Variants in HSD3B2 observed in about 807,000 individuals in gnomAD.
HSD3B2 encodes hydroxy-delta-5-steroid dehydrogenase, 3 beta- and steroid delta-isomerase 2, also known as 3 beta-hydroxysteroid dehydrogenase/Delta 5-->4-isomerase type 2.
In HSD3B2, 8 loss-of-function variants were observed where a neutral mutation model predicts 9.9. The ratio of observed to expected loss-of-function variants is 0.81; its 90% CI spans 0.47 to 1.46. The LOEUF is 1.46. Ranked by LOEUF, HSD3B2 falls within the 40% of genes most tolerant of loss-of-function variation. HSD3B2 has a pLI of 0.00. For synonymous variants in HSD3B2, 221 were observed against 184.5 expected (o/e 1.20, Z -1.60); for missense variants, 410 against 448.3 (o/e 0.91, Z 0.77).
In HSD3B2 at chr1:119,415,351, G is replaced by C; in HGVS notation, c.-69G>C. The C allele has an allele frequency of 6.4e-7, 1 of 1,550,476 alleles. No homozygotes were observed. ...TTTAGCCCTCTTCTGGGTCACGCTA[G>C]AATCAGATCTGCTCTCCAGCATCTT... On this transcript the variant is annotated 5_prime_UTR_variant, in exon 2 of 4. Coordinates refer to ENST00000369416, the MANE Select transcript of HSD3B2 (RefSeq NM_000198.4).
intron 2 of HSD3B2, among the ~76,000 whole-genome samples, chr1:119,418,256 A>C (rs1318766334): frequency 6.6e-6 from 1 of 152,166 alleles, no homozygotes; most frequent in Non-Finnish European, 1.5e-5. Context: ...TATCTGATAA[A>C]AGTTTCTCAA....
rs2101351584 is a variant in HSD3B2 at position 119,422,730 on chromosome 1, CCT to C, written c.*115_*116del. 1 of 1,311,260 alleles carries C rather than the reference CCT, an allele frequency of 7.6e-7. No homozygotes were observed. Among genetic ancestry groups the C allele is most frequent in the South Asian group, 1.3e-5 (1 of 79,308 alleles). 81.2% of individuals were successfully genotyped at this position (1,311,260 alleles called of 1,614,324 possible). On this transcript the variant is annotated 3_prime_UTR_variant, in exon 4 of 4. Transcript: ENST00000369416. ...AGGGGCACAAGCCCAGGTCCTGCTGCCTCTCTTTCACACAATGCCCAACTTAC... is the reference window on the plus strand; with the variant it reads ...AGGGGCACAAGCCCAGGTCCTGCTGCCTCTTTCACACAATGCCCAACTTAC...
chr1:119,421,530 C>T (rs980528262), intron 3 of HSD3B2, among the ~76,000 whole-genome samples: 2 of 145,602 alleles, frequency 1.4e-5, no homozygotes, highest in Non-Finnish European at 3.0e-5. Flanking sequence ...TATACATACA[C>T]ACACACACAC....
In HSD3B2 at chr1:119,422,258, T is replaced by A. The variant is rs1399005702; in HGVS notation, c.757T>A (p.Tyr253Asn). Residue 253 changes from tyrosine to asparagine, a missense_variant, in exon 4 of 4, where the codon TAT becomes AAT. Physicochemically the swap from Tyr to Asn is moderately radical, Grantham distance 143 (BLOSUM62 -2). Transcript: ENST00000369416. ...GGCCCCAAGTGTCCGAGGTCAATTC[T>A]ATTACATCTCAGATGACACGCCTCA... is the stretch of plus-strand genomic sequence containing the variant. ...KKAPSVRGQF[Y>N]YISDDTPHQS... 2 of 1,614,130 alleles carry A rather than the reference T, an allele frequency of 1.2e-6. No homozygotes were observed.
chr1:119,415,486 G>A lies in HSD3B2; in HGVS notation c.67G>A (p.Val23Met), dbSNP rs773237182. Residue 23 changes from valine to methionine, a missense_variant, in exon 2 of 4, where the codon GTG becomes ATG. Val to Met is a conservative substitution (Grantham distance 21, BLOSUM62 1). Coordinates refer to ENST00000369416, the MANE Select transcript of HSD3B2 (RefSeq NM_000198.4). ...GGGTCAGAGGATCGTCCGCCTGTTG[G>A]TGGAAGAGAAGGAACTGAAGGAGAT... is the stretch of plus-strand genomic sequence containing the variant. ...LLGQRIVRLL[V>M]EEKELKEIRA... is the part of the protein sequence containing the mutation. 3.1e-6 allele frequency: 5 copies of A among 1,614,012 alleles called. No homozygotes were observed. In the Admixed American group the frequency reaches 5.0e-5, roughly 16 times the overall value.
At chr1:119,419,668 T>C (rs1194360347) in intron 3 of HSD3B2, 86 bp downstream of exon 3, 11 of 1,314,606 alleles carry the variant, frequency 8.4e-6, no homozygotes, top group Non-Finnish European at 3.3e-6. Context: ...AGTCACTCCA[T>C]TGAACACCTG....
rs142103455 is a variant in HSD3B2 at position 119,417,159 on chromosome 1, G to A, written c.142+1598G>A. Among the ~76,000 whole-genome samples, 631 of 152,332 alleles carry A rather than the reference G, an allele frequency of 4.1e-3. 6 individuals are homozygous for A. Among genetic ancestry groups the A allele is most frequent in the African/African-American group, 0.015 (607 of 41,578 alleles). On this transcript the variant is annotated intron_variant, in intron 2 of 3. Transcript: ENST00000369416. ...AGGTCCCAAGTTAGATTACGGCAAA[G>A]CTGGATTTGAATCCAGGCAGTCTAG...
intron 3 of HSD3B2, 101 bp downstream of exon 3, chr1:119,419,683 G>A (rs1468972803): frequency 2.5e-6 from 3 of 1,199,992 alleles, no homozygotes; most frequent in Non-Finnish European, 3.6e-6. Context: ...CACCTGCTGA[G>A]CTCTTGGCCA....
At chr1:119,419,879 T>C (rs1214358064) in intron 3 of HSD3B2, 1 of 396,784 alleles carries the variant, frequency 2.5e-6, no homozygotes, top group Non-Finnish European at 4.7e-6. Flanking sequence ...AAGCTCTTTC[T>C]ACTGTGGCCC....
intron 3 of HSD3B2, 120 bp from the exon 4 acceptor site, chr1:119,421,689 C>A: frequency 8.9e-7 from 1 of 1,128,578 alleles, no homozygotes; most frequent in Non-Finnish European, 1.4e-6. Context: ...GAAGAATGCA[C>A]CCTGAGTCTG....
chr1:119,420,284 C>T (rs1391530795), intron 3 of HSD3B2, among the ~76,000 whole-genome samples: 2 of 152,168 alleles, frequency 1.3e-5, no homozygotes, highest in African/African-American at 2.4e-5. Flanking sequence ...CATGCAGTCT[C>T]ACCCTCTGAT....
At chr1:119,417,839 T>C (rs1400946880) in intron 2 of HSD3B2, among the ~76,000 whole-genome samples, 1 of 152,138 alleles carries the variant, frequency 6.6e-6, no homozygotes, top group Non-Finnish European at 1.5e-5. Flanking sequence ...GGGTACAGGG[T>C]ACAAAAATGG....
At chr1:119,416,291 T>C (rs1333982619) in intron 2 of HSD3B2, among the ~76,000 whole-genome samples, 1 of 152,212 alleles carries the variant, frequency 6.6e-6, no homozygotes, top group Non-Finnish European at 1.5e-5. Flanking sequence ...ATGCCTCATT[T>C]ATATTTCTCA....
chr1:119,415,465 C>T lies in HSD3B2; in HGVS notation c.46C>T (p.Gln16Ter). Residue 16 changes from glutamine (Q) to a stop codon, truncating the protein, a stop_gained, in exon 2 of 4, where the codon CAG (glutamine) becomes TAG (stop). Transcript: ENST00000369416. LOFTEE classifies it high-confidence loss of function. Reference sequence around the variant, plus strand: ...GACAGGAGCAGGAGGGCTTCTGGGTCAGAGGATCGTCCGCCTGTTGGTGGA... The same window carrying T: ...GACAGGAGCAGGAGGGCTTCTGGGTTAGAGGATCGTCCGCCTGTTGGTGGA... ...LVTGAGGLLGQRIVRLLVEEK... is the reference protein window; with the variant it reads ...LVTGAGGLLG 6.2e-7 allele frequency: 1 copy of T among 1,613,882 alleles called. No individual in the cohort carries two copies. The highest frequency in any genetic ancestry group is 8.5e-7 in the Non-Finnish European group (1 of 1,179,888).
At chr1:119,418,630 C>CTATTATTATTAT (rs5777392) in intron 2 of HSD3B2, among the ~76,000 whole-genome samples, 2 of 123,894 alleles carry the variant, frequency 1.6e-5, no homozygotes, top group East Asian at 2.3e-4. Flanking sequence ...ATTATTATTA[C>CTATTATTATTAT]TATTATTATT....
rs1266345878 is a variant in HSD3B2, at chr1:119,419,479, G to A, written c.204G>A (p.Leu68=). 8 of 1,613,728 alleles carry A rather than the reference G, an allele frequency of 5.0e-6. No homozygotes were observed. Among genetic ancestry groups the A allele is most frequent in the Non-Finnish European group, 6.8e-6 (8 of 1,179,788 alleles). ...LEGDILDEPF[L]KRACQDVSVV... ...GAGACATTCTGGATGAGCCATTCCT[G>A]AAAAGAGCCTGCCAGGACGTCTCGG... The change falls in exon 3 of 4, where the codon CTG becomes CTA. Residue 68 remains leucine (L), a synonymous_variant. Transcript: ENST00000369416.
In HSD3B2 at chr1:119,422,057, C is replaced by A. The variant is rs1474754208; in HGVS notation, c.556C>A (p.Pro186Thr). 1.2e-6 allele frequency: 2 copies of A among 1,614,062 alleles called. No homozygotes were observed. Among genetic ancestry groups the A allele is most frequent in the East Asian group, 2.2e-5 (1 of 44,856 alleles). ...TACCTTGTACACTTGTGCGTTAAGA[C>A]CCACATATATCTATGGGGAAGGAGG... ...GDTLYTCALR[P>T]TYIYGEGGPF... The change falls in exon 4 of 4, where the codon CCC (proline) becomes ACC (threonine). Residue 186 changes from proline to threonine, a missense_variant. By Grantham distance (38) the Pro-to-Thr change is conservative. Coordinates refer to ENST00000369416, the MANE Select transcript of HSD3B2 (RefSeq NM_000198.4).
At position 119,422,063 on chromosome 1, in the gene HSD3B2, T is replaced by C. The variant is rs767943915; in HGVS notation, c.562T>C (p.Tyr188His). 1.2e-6 allele frequency: 2 copies of C among 1,614,092 alleles called. No individual in the cohort carries two copies. The highest frequency in any genetic ancestry group is 1.7e-6 in the Non-Finnish European group (2 of 1,179,992). Residue 188 changes from tyrosine (Y) to histidine (H), a missense_variant, in exon 4 of 4, where the codon TAT becomes CAT. Tyr to His is a moderately conservative substitution (Grantham distance 83). Coordinates refer to ENST00000369416, the MANE Select transcript of HSD3B2 (RefSeq NM_000198.4). Reference sequence around the variant, plus strand: ...GTACACTTGTGCGTTAAGACCCACATATATCTATGGGGAAGGAGGCCCATT... The same window carrying C: ...GTACACTTGTGCGTTAAGACCCACACATATCTATGGGGAAGGAGGCCCATT... Reference protein sequence around the residue: ...TLYTCALRPTYIYGEGGPFLS... With the variant: ...TLYTCALRPTHIYGEGGPFLS...
chr1:119,422,704 CAG>C lies in HSD3B2; in HGVS notation c.*85_*86del. 6.6e-7 allele frequency: 1 copy of C among 1,512,212 alleles called. No individual in the cohort carries two copies. Among genetic ancestry groups the C allele is most frequent in the Non-Finnish European group, 9.1e-7 (1 of 1,101,908 alleles). 93.7% of individuals were successfully genotyped at this position (1,512,212 alleles called of 1,614,324 possible). A position where few individuals can be genotyped will look rare whatever the true frequency, so the allele number is the denominator to read the frequency against. On this transcript the variant is annotated 3_prime_UTR_variant, in exon 4 of 4. Transcript: ENST00000369416. ...CCACCTGGCTTCATACAGAAGGCAA[CAG>C]GGGCACAAGCCCAGGTCCTGCTGCC...
Sources: gnomAD v4.1 joint callset for allele counts (sites outside exome capture counted in the v4.1 genomes callset) on GRCh38, gnomAD v4.1.1 for gene constraint, MANE v1.5 for transcripts, NCBI Gene and HGNC (gene_info 2026-07-23, HGNC 2026-07-21) for gene names.